Variants in MAVS observed in about 807,000 individuals in gnomAD.
MAVS encodes mitochondrial antiviral signaling protein.
MAVS carries 20 observed loss-of-function variants against 30.2 expected under a neutral mutation model. The ratio of observed to expected loss-of-function variants is 0.66; its 90% CI spans 0.47 to 0.96. The LOEUF is 0.96. Among genes scored for constraint, MAVS ranks in the 40% least tolerant of loss-of-function variants. The pLI is 0.00. For missense variants in MAVS, 624 were observed against 701.1 expected (o/e 0.89, Z 1.24); for synonymous variants, 278 against 293.9 (o/e 0.95, Z 0.55).
intron 1 of MAVS, among the ~76,000 whole-genome samples, chr20:3,848,271 G>A (rs2089726379): frequency 6.6e-6 from 1 of 152,032 alleles, no homozygotes; most frequent in Non-Finnish European, 1.5e-5. Context: ...GCTAATTTTT[G>A]CATTTTTAGT....
chr20:3,854,418 C>T (rs1369995038), intron 1 of MAVS, 140 bp from the exon 2 acceptor site: 5 of 196,494 alleles, frequency 2.5e-5, no homozygotes, highest in Middle Eastern at 1.6e-3. Context: ...AAGTGAGACT[C>T]GCTCTCAAAA....
intron 1 of MAVS, among the ~76,000 whole-genome samples, chr20:3,851,491 G>A (rs1160974968): frequency 7.4e-6 from 1 of 135,452 alleles, no homozygotes; most frequent in Non-Finnish European, 1.6e-5. Context: ...GGGCGACAGG[G>A]AGACTCTGTC....
intron 1 of MAVS, among the ~76,000 whole-genome samples, chr20:3,849,692 T>C (rs1256526216): frequency 6.6e-6 from 1 of 152,212 alleles, no homozygotes; most frequent in Non-Finnish European, 1.5e-5. Flanking sequence ...GACCCCCTAG[T>C]TCAAGTAGCA....
intron 1 of MAVS, among the ~76,000 whole-genome samples, chr20:3,852,990 C>T (rs1016301453): frequency 6.6e-6 from 1 of 151,048 alleles, no homozygotes; most frequent in Non-Finnish European, 1.5e-5. Context: ...AGGCGCCCGC[C>T]ACCATGCTTG....
chr20:3,862,120 A>C (rs961652387), intron 4 of MAVS, 134 bp from the exon 5 acceptor site: 25 of 993,100 alleles, frequency 2.5e-5, no homozygotes, highest in Middle Eastern at 2.9e-4. Context: ...ACCAGAACCC[A>C]GGCAAGGGCT....
At chr20:3,850,445 C>T (rs1055844948) in intron 1 of MAVS, among the ~76,000 whole-genome samples, 9 of 147,210 alleles carry the variant, frequency 6.1e-5, no homozygotes, top group South Asian at 2.1e-4. Context: ...ACAAAATTAG[C>T]GGGGCGTGGT....
In MAVS at chr20:3,865,388, G is replaced by A. The variant is rs1196269643; in HGVS notation, c.1159-295G>A. On this transcript the variant is annotated intron_variant, in intron 6 of 6. Transcript: ENST00000428216. The surrounding 1 kb of genome is among the most constrained non-coding windows in gnomAD (Gnocchi z 4.7). ...GCTGCTCTCTAGTTCTCAGGCCCAG[G>A]CAGGATGTCAGTGCAGGATGGAGCC... Among the ~76,000 whole-genome samples the A allele has an allele frequency of 6.6e-6, 1 of 152,188 alleles. No homozygotes were observed. Among genetic ancestry groups the A allele is most frequent in the African/African-American group, 2.4e-5 (1 of 41,434 alleles).
In MAVS at chr20:3,872,807, T is replaced by C. The variant is rs1319496018; in HGVS notation, c.*6660T>C. The C allele has an allele frequency of 6.6e-6, 1 of 152,360 alleles. No homozygotes were observed. The allele number at this position is 152,360 out of a possible 1,614,324, so 9.4% of individuals were successfully genotyped here. A position where few individuals can be genotyped will look rare whatever the true frequency, so the allele number is the denominator to read the frequency against. On this transcript the variant is annotated 3_prime_UTR_variant, in exon 7 of 7. Transcript: ENST00000428216. ...GACAAATAGGCTTTCACATCATTCT[T>C]TTATGTAATCATACAACAGATATTT...
rs2089874068 is a variant in MAVS, at chr20:3,862,408, C to G, written c.620C>G (p.Thr207Arg). 2 of 1,612,270 alleles carry G rather than the reference C, an allele frequency of 1.2e-6. No individual in the cohort carries two copies. Among genetic ancestry groups the G allele is most frequent in the South Asian group, 1.1e-5 (1 of 90,864 alleles). The change falls in exon 5 of 7, where the codon ACA becomes AGA. Residue 207 changes from threonine to arginine, a missense_variant. Physicochemically the swap from Thr to Arg is moderately conservative, Grantham distance 71. Coordinates refer to ENST00000428216, the MANE Select transcript of MAVS (RefSeq NM_020746.5). ...GACACAGAACTGGGCAGTACCCACA[C>G]AGCAGGTATGCATGGAATCTGGAAT... ...EQDTELGSTH[T>R]AGATSSLTPS...
Position 3,866,103 on chromosome 20 carries a change from G to A in MAVS, c.1579G>A (p.Val527Ile), listed in dbSNP as rs759649514. 12 of 1,608,214 alleles carry A rather than the reference G, an allele frequency of 7.5e-6. No individual in the cohort carries two copies. The highest frequency in any genetic ancestry group is 1.0e-5 in the Non-Finnish European group (12 of 1,178,574). ...CCAGGTGGCTGTGACAGGGGTGCTG[G>A]TAGTCACACTCCTGGTGGTGCTGTA... The part of the protein sequence containing the change: ...WLQVAVTGVL[V>I]VTLLVVLYRR... Residue 527 changes from valine (V) to isoleucine (I), a missense_variant, in exon 7 of 7, where the codon GTA becomes ATA. Transcript: ENST00000428216.
chr20:3,858,031 A>C (rs2089828284), intron 3 of MAVS: 3 of 590,106 alleles, frequency 5.1e-6, no homozygotes, highest in Non-Finnish European at 9.2e-6. Context: ...CTCTTCTGTA[A>C]AATGAAGCTC....
At chr20:3,847,261 G>T (rs2146749990) in intron 1 of MAVS, among the ~76,000 whole-genome samples, 1 of 152,254 alleles carries the variant, frequency 6.6e-6, no homozygotes, top group South Asian at 2.1e-4. Flanking sequence ...GCCGAGCCTC[G>T]ACCGGGTGCG....
Position 3,864,732 on chromosome 20 carries a change from G to T in MAVS, c.1102G>T (p.Val368Leu), listed in dbSNP as rs574565815. The change falls in exon 6 of 7, where the codon GTG (valine) becomes TTG (leucine). Residue 368 changes from valine (V) to leucine (L), a missense_variant. Coordinates refer to ENST00000428216, the MANE Select transcript of MAVS (RefSeq NM_020746.5). ...MVPSKVPTSMVLTKVSASTVP... is the reference protein window; with the variant it reads ...MVPSKVPTSMLLTKVSASTVP... ...GCCATCCAAAGTGCCTACTAGCATG[G>T]TGCTCACCAAGGTGTCTGCCAGCAC... 6.2e-7 allele frequency: 1 copy of T among 1,614,220 alleles called. No homozygotes were observed. Among genetic ancestry groups the T allele is most frequent in the African/African-American group, 1.3e-5 (1 of 75,070 alleles).
intron 2 of MAVS, among the ~76,000 whole-genome samples, chr20:3,857,178 A>G (rs889388734): frequency 6.6e-6 from 1 of 151,484 alleles, no homozygotes; most frequent in African/African-American, 2.4e-5. Context: ...TACTTTTGCT[A>G]TCTACCTTTT....
chr20:3,865,592 G>A lies in MAVS; in HGVS notation c.1159-91G>A, dbSNP rs963151721. The A allele has an allele frequency of 1.1e-5, 13 of 1,230,234 alleles. No homozygotes were observed. The African/African-American group carries it at 1.2e-4, about 12-fold the overall frequency. 76.2% of individuals were successfully genotyped at this position (1,230,234 alleles called of 1,614,324 possible). A position where few individuals can be genotyped will look rare whatever the true frequency, so the allele number is the denominator to read the frequency against. On this transcript the variant is annotated intron_variant, in intron 6 of 6. Transcript: ENST00000428216. The surrounding 1 kb of genome is among the most constrained non-coding windows in gnomAD (Gnocchi z 4.7). ...TGGGAATTGAGGGGTTGGAGTGTTA[G>A]TTCATGCCCTGGCCTGGGAATGGGA...
Position 3,863,010 on chromosome 20 carries a change from A to G in MAVS, c.625+597A>G, listed in dbSNP as rs1023825094. On this transcript the variant is annotated intron_variant, in intron 5 of 6. Coordinates refer to ENST00000428216, the MANE Select transcript of MAVS (RefSeq NM_020746.5). ...GTGGGGCTGGGTGGAGATGAGCGAG[A>G]TAAGTAGGGCCATTTTTGCGCTCTG... is the stretch of plus-strand genomic sequence containing the variant. 2.6e-4 allele frequency among the ~76,000 whole-genome samples: 39 copies of G among 152,298 alleles called. 1 individual carries two copies. Among genetic ancestry groups the G allele is most frequent in the African/African-American group, 8.9e-4 (37 of 41,562 alleles).
In MAVS at chr20:3,862,089, T is replaced by A. The variant is rs140964277; in HGVS notation, c.466-165T>A. Among the ~76,000 whole-genome samples, 23 of 152,248 alleles carry A rather than the reference T, an allele frequency of 1.5e-4. No homozygotes were observed. The East Asian group carries it at 3.5e-3, about 23-fold the overall frequency. The stretch of plus-strand genomic sequence containing the variant: ...TGTGAGGTAGACGTAAGGACACCTG[T>A]GGACAGAGGGTCTGGGAATTACCAG... On this transcript the variant is annotated intron_variant, in intron 4 of 6. Coordinates refer to ENST00000428216, the MANE Select transcript of MAVS (RefSeq NM_020746.5).
rs1907363429 is a variant in MAVS, at chr20:3,867,415, C to G, written c.*1268C>G. Reference sequence around the variant, plus strand: ...TTGAGGGTCCAGGCATGCTGGGCAACAGGGACCCCATCTCTACAAAAAAGT... The same window carrying G: ...TTGAGGGTCCAGGCATGCTGGGCAAGAGGGACCCCATCTCTACAAAAAAGT... On this transcript the variant is annotated 3_prime_UTR_variant, in exon 7 of 7. Transcript: ENST00000428216. The G allele has an allele frequency of 1.6e-5, 3 of 193,062 alleles. No individual in the cohort carries two copies. The Admixed American group carries it at 1.6e-4, about 10-fold the overall frequency. 12.0% of individuals were successfully genotyped at this position (193,062 alleles called of 1,614,324 possible).
intron 1 of MAVS, among the ~76,000 whole-genome samples, chr20:3,851,989 GC>G (rs2089763951): frequency 3.1e-5 from 3 of 97,506 alleles, no homozygotes; most frequent in African/African-American, 2.6e-4. Flanking sequence ...TGTGTAGCAG[GC>G]TTTTTTTTTT....
Sources: allele counts gnomAD v4.1 joint callset (sites outside exome capture counted in the v4.1 genomes callset), GRCh38; gene constraint gnomAD v4.1.1; non-coding constraint Gnocchi (gnomAD v3.1); transcripts MANE v1.5; gene names NCBI Gene and HGNC (gene_info 2026-07-23, HGNC 2026-07-21).